The following GABRA3 variants were observed in gnomAD, a reference collection of about 807,000 sequenced individuals.
The protein encoded by GABRA3 is gamma-aminobutyric acid type A receptor subunit alpha3, also known as gamma-aminobutyric acid receptor subunit alpha-3.
In GABRA3, 10 loss-of-function variants were observed where a neutral mutation model predicts 30.1. The observed-to-expected ratio is 0.33, with a 90% CI of 0.20 to 0.56. The LOEUF (loss-of-function observed/expected upper bound fraction) is 0.56, where lower values mean the gene tolerates loss of function less well. Ranked by LOEUF, GABRA3 falls within the 20% of genes least tolerant of loss-of-function variation. GABRA3 has a pLI of 0.89. For missense variants in GABRA3, 233 were observed against 392.0 expected, an observed-to-expected ratio of 0.59 and a Z score of 3.42; for synonymous variants, 151 against 146.8, an observed-to-expected ratio of 1.03 and a Z score of -0.21.
intron 4 of GABRA3, among the ~76,000 whole-genome samples, chrX:152,257,137 G>T (rs1938650000): frequency 8.9e-6 from 1 of 111,844 alleles, no homozygotes; most frequent in African/African-American, 3.2e-5. Flanking sequence ...AAAGAAATGA[G>T]CTGGGTGATG....
Position 152,167,358 on chromosome X carries a change from T to C in GABRA3, c.*870A>G, listed in dbSNP as rs1490856269. 8.9e-6 allele frequency: 1 copy of C among 112,329 alleles called. No homozygotes were observed. Among genetic ancestry groups the C allele is most frequent in the Non-Finnish European group, 1.9e-5 (1 of 53,315 alleles). 9.3% of individuals were successfully genotyped at this position (112,329 alleles called of 1,213,427 possible). A position where few individuals can be genotyped will look rare whatever the true frequency, so the allele number is the denominator to read the frequency against. ...TCTCTCCCATATTTTAAAAAAATGTTTTTTTTAAATCTAGATCACTTTGTT... is the reference window on the plus strand; with the variant it reads ...TCTCTCCCATATTTTAAAAAAATGTCTTTTTTAAATCTAGATCACTTTGTT... On this transcript the variant is annotated 3_prime_UTR_variant, in exon 10 of 10. Transcript: ENST00000370314.
At chrX:152,272,250 C>A (rs773584712) in intron 4 of GABRA3, among the ~76,000 whole-genome samples, 2 of 112,400 alleles carry the variant, frequency 1.8e-5, no homozygotes, top group Admixed American at 1.9e-4. Flanking sequence ...CCTGCAAAGC[C>A]ATAAGGGTGG....
At chrX:152,439,209 AC>A (rs1930856940) in intron 1 of GABRA3, among the ~76,000 whole-genome samples, 3 of 109,978 alleles carry the variant, frequency 2.7e-5, no homozygotes, top group Admixed American at 2.0e-4. Context: ...CTCACTGCAA[AC>A]TCCACCTCCC....
chrX:152,257,163 C>T (rs772111296), intron 4 of GABRA3, among the ~76,000 whole-genome samples: 35 of 111,753 alleles, frequency 3.1e-4, no homozygotes, highest in Non-Finnish European at 6.0e-4. Context: ...GAATTTGCTA[C>T]GATTTAGACT....
chrX:152,290,432 G>C (rs1603234751), intron 3 of GABRA3, among the ~76,000 whole-genome samples: 1 of 111,854 alleles, frequency 8.9e-6, no homozygotes, highest in East Asian at 2.8e-4. Context: ...CAGATGGGTA[G>C]ATTGCAAAAA....
intron 7 of GABRA3, among the ~76,000 whole-genome samples, 185 bp from the exon 8 acceptor site, chrX:152,197,970 C>A (rs987496606): frequency 3.6e-5 from 4 of 111,509 alleles, no homozygotes; most frequent in Non-Finnish European, 7.5e-5. Context: ...TGTGAAAAAA[C>A]AATGCTATCA....
At chrX:152,235,338 T>C (rs1938178173) in intron 5 of GABRA3, among the ~76,000 whole-genome samples, 1 of 111,764 alleles carries the variant, frequency 8.9e-6, no homozygotes, top group South Asian at 3.7e-4. Flanking sequence ...AATTCATTTA[T>C]CAAATTTAGG....
intron 1 of GABRA3, among the ~76,000 whole-genome samples, chrX:152,438,225 G>A (rs186507051): frequency 6.3e-5 from 7 of 111,911 alleles, no homozygotes; most frequent in African/African-American, 1.9e-4. Context: ...CTCGTATGTC[G>A]CTAGGGAATT....
intron 1 of GABRA3, among the ~76,000 whole-genome samples, chrX:152,433,738 A>T (rs1280279614): frequency 9.2e-6 from 1 of 108,539 alleles, no homozygotes; most frequent in Non-Finnish European, 1.9e-5. Flanking sequence ...TGAAACTAAG[A>T]GCTGGTTCTT....
intron 3 of GABRA3, among the ~76,000 whole-genome samples, chrX:152,343,462 C>T (rs868094943): frequency 1.0e-5 from 1 of 97,260 alleles, no homozygotes; most frequent in African/African-American, 3.8e-5. Context: ...AAAAAAAAAA[C>T]AAAACGCAAT....
chrX:152,376,148 T>C (rs1280552677), intron 1 of GABRA3, among the ~76,000 whole-genome samples: 1 of 112,120 alleles, frequency 8.9e-6, no homozygotes, highest in Non-Finnish European at 1.9e-5. Context: ...GACTGACAGA[T>C]ACAGAAGTAC....
At chrX:152,174,426 A>G (rs1176218697) in intron 9 of GABRA3, among the ~76,000 whole-genome samples, 1 of 111,560 alleles carries the variant, frequency 9.0e-6, no homozygotes, top group Non-Finnish European at 1.9e-5. Context: ...AAGTGTTCCT[A>G]TTTCTCCACA....
At chrX:152,194,842 C>T (rs1937365583) in intron 8 of GABRA3, among the ~76,000 whole-genome samples, 1 of 111,180 alleles carries the variant, frequency 9.0e-6, no homozygotes, top group Admixed American at 9.6e-5. Context: ...TCATGGCAGC[C>T]TCAACCTCCC....
intron 1 of GABRA3, among the ~76,000 whole-genome samples, chrX:152,416,551 G>A (rs944790252): frequency 1.8e-5 from 2 of 110,269 alleles, no homozygotes; most frequent in Admixed American, 9.7e-5. Flanking sequence ...CCAAAAAAGA[G>A]CCCGCATCGC....
At chrX:152,392,305 G>A (rs187113931) in intron 1 of GABRA3, 52 of 384,802 alleles carry the variant, frequency 1.4e-4, no homozygotes, top group African/African-American at 1.0e-3. Flanking sequence ...GCACACTCAG[G>A]TTCTGCAACA....
chrX:152,278,430 G>A (rs1939131665), intron 4 of GABRA3, among the ~76,000 whole-genome samples: 1 of 110,714 alleles, frequency 9.0e-6, no homozygotes, highest in Non-Finnish European at 1.9e-5. Flanking sequence ...CCCTACAAAG[G>A]ACATGAACTC....
At chrX:152,224,049 T>C (rs1937891291) in intron 6 of GABRA3, among the ~76,000 whole-genome samples, 1 of 111,455 alleles carries the variant, frequency 9.0e-6, no homozygotes, top group African/African-American at 3.3e-5. Flanking sequence ...ACTTAATTAT[T>C]TGGGTCTTTT....
chrX:152,348,804 C>T (rs1427078386), intron 2 of GABRA3, among the ~76,000 whole-genome samples: 2 of 112,331 alleles, frequency 1.8e-5, no homozygotes, highest in African/African-American at 6.5e-5. Flanking sequence ...ATTAAAAATA[C>T]TTTATTGCTA....
At chrX:152,171,732 T>C (rs754125790) in intron 9 of GABRA3, among the ~76,000 whole-genome samples, 27 of 111,908 alleles carry the variant, frequency 2.4e-4, no homozygotes, top group Non-Finnish European at 4.3e-4. Flanking sequence ...ATAAATAGCA[T>C]GTCTCCAAAG....
Sources: allele counts gnomAD v4.1 joint callset (sites outside exome capture counted in the v4.1 genomes callset), GRCh38; gene constraint gnomAD v4.1.1; transcripts MANE v1.5; gene names NCBI Gene and HGNC (gene_info 2026-07-23, HGNC 2026-07-21).